The following NT5E variants were observed in gnomAD, a reference collection of about 807,000 sequenced individuals.
The protein encoded by NT5E is 5'-nucleotidase ecto.
A neutral mutation model predicts 55.1 loss-of-function variants in NT5E; 53 were observed. The observed-to-expected ratio is 0.96, with a 90% CI of 0.77 to 1.21. NT5E has a LOEUF of 1.21. NT5E is among the 50% of genes most tolerant of loss of function. NT5E has a pLI of 0.00. For synonymous variants in NT5E, 270 were observed against 278.4 expected (o/e 0.97, Z 0.30); for missense variants, 683 against 724.3 (o/e 0.94, Z 0.65).
In NT5E at chr6:85,450,322, G is replaced by A. The variant is rs1408435425; in HGVS notation, c.183G>A (p.Val61=). 6.2e-7 allele frequency: 1 copy of A among 1,601,162 alleles called. No individual in the cohort carries two copies. The highest frequency in any genetic ancestry group is 1.1e-5 in the South Asian group (1 of 88,732). The change falls in exon 1 of 9, where the codon GTG becomes GTA. Residue 61 remains valine (V), a synonymous_variant. Coordinates refer to ENST00000257770, the MANE Select transcript of NT5E (RefSeq NM_002526.4). This position sits in a 1 kb window ranked among gnomAD's most constrained non-coding sequence, Gnocchi z 4.0. ...ACGCCAGCCGCTGCATGGGTGGCGT[G>A]GCTCGGCTCTTCACCAAGGTTCAGC... ...CVNASRCMGG[V]ARLFTKVQQI...
At chr6:85,491,554 G>T (rs373729365) in intron 7 of NT5E, among the ~76,000 whole-genome samples, 1 of 152,218 alleles carries the variant, frequency 6.6e-6, no homozygotes, top group Non-Finnish European at 1.5e-5. Flanking sequence ...GCACTGCATA[G>T]CTCTATGCCT....
intron 3 of NT5E, among the ~76,000 whole-genome samples, chr6:85,482,459 G>T (rs1001430410): frequency 6.6e-5 from 10 of 152,110 alleles, no homozygotes; most frequent in Non-Finnish European, 1.2e-4. Flanking sequence ...GCTGCTTCCT[G>T]GCACTTCTAT....
intron 7 of NT5E, chr6:85,491,425 G>A: frequency 3.2e-6 from 1 of 311,576 alleles, no homozygotes; most frequent in Non-Finnish European, 6.2e-6. Flanking sequence ...TTGCTGTTGA[G>A]ACTGAAGGGC....
chr6:85,460,239 T>G (rs1324739967), intron 1 of NT5E, among the ~76,000 whole-genome samples: 5 of 152,144 alleles, frequency 3.3e-5, no homozygotes, highest in Non-Finnish European at 7.4e-5. Flanking sequence ...TGGCAGATGC[T>G]AAGAAAAACT....
intron 1 of NT5E, among the ~76,000 whole-genome samples, chr6:85,463,354 G>A (rs2127755621): frequency 6.6e-6 from 1 of 152,262 alleles, no homozygotes; most frequent in East Asian, 1.9e-4. Flanking sequence ...GAAATGTTTG[G>A]AAAGCAACAG....
rs895234392 is a variant in NT5E at position 85,467,076 on chromosome 6, A to C, written c.356A>C (p.Glu119Ala). The change falls in exon 2 of 9, where the codon GAA (glutamate) becomes GCA (alanine). Residue 119 changes from glutamate to alanine, a missense_variant. Physicochemically the swap from Glu to Ala is moderately radical, Grantham distance 107. Transcript: ENST00000257770. ...TTTATCTAGGCACTGGGAAATCATG[A>C]ATTTGATAATGGTGTGGAAGGACTG... ...RYDAMALGNH[E>A]FDNGVEGLIE... 1 of 1,614,104 alleles carries C rather than the reference A, an allele frequency of 6.2e-7. No individual in the cohort carries two copies. Among genetic ancestry groups the C allele is most frequent in the South Asian group, 1.1e-5 (1 of 91,076 alleles).
At chr6:85,466,739 A>G (rs918596297) in intron 1 of NT5E, among the ~76,000 whole-genome samples, 5 of 152,212 alleles carry the variant, frequency 3.3e-5, no homozygotes, top group African/African-American at 1.2e-4. Context: ...GAGAAAAACA[A>G]CATGGAAAAA....
intron 1 of NT5E, among the ~76,000 whole-genome samples, chr6:85,460,372 G>A (rs983865798): frequency 2.6e-4 from 40 of 152,248 alleles, no homozygotes; most frequent in African/African-American, 9.4e-4. Flanking sequence ...TAGAGATGGC[G>A]CTCAAGATAA....
chr6:85,487,427 G>A lies in NT5E; in HGVS notation c.1042G>A (p.Gly348Ser). 1.2e-6 allele frequency: 2 copies of A among 1,614,132 alleles called. No individual in the cohort carries two copies. The highest frequency in any genetic ancestry group is 1.7e-6 in the Non-Finnish European group (2 of 1,179,990). Residue 348 changes from glycine to serine, a missense_variant, in exon 5 of 9, where the codon GGC (glycine) becomes AGC (serine). Gly to Ser is a moderately conservative substitution (Grantham distance 56, BLOSUM62 0). Coordinates refer to ENST00000257770, the MANE Select transcript of NT5E (RefSeq NM_002526.4). ...AGGGAAAACAATTGTCTATCTGGAT[G>A]GCTCCTCTCAATCATGCCGCTTTAG... is the stretch of plus-strand genomic sequence containing the variant. ...ELGKTIVYLD[G>S]SSQSCRFREC...
intron 1 of NT5E, among the ~76,000 whole-genome samples, chr6:85,455,909 G>A (rs1327364463): frequency 6.6e-6 from 1 of 152,174 alleles, no homozygotes; most frequent in Non-Finnish European, 1.5e-5. Flanking sequence ...AGCAGTTTGT[G>A]TGTATGTGTG....
At chr6:85,476,857 T>C (rs547514343) in intron 3 of NT5E, among the ~76,000 whole-genome samples, 3 of 152,204 alleles carry the variant, frequency 2.0e-5, no homozygotes, top group Non-Finnish European at 2.9e-5. Context: ...TTCTCTGCCA[T>C]TCCACTGCCA....
intron 2 of NT5E, among the ~76,000 whole-genome samples, chr6:85,469,666 A>G (rs999641038): frequency 6.6e-6 from 1 of 152,222 alleles, no homozygotes; most frequent in African/African-American, 2.4e-5. Context: ...AACAGGAAGC[A>G]GATTGTCCTT....
chr6:85,492,683 T>C (rs767053534), intron 8 of NT5E, among the ~76,000 whole-genome samples: 2 of 152,176 alleles, frequency 1.3e-5, no homozygotes, highest in Non-Finnish European at 2.9e-5. Flanking sequence ...TCTGGCAGCA[T>C]TGAGGGACAT....
chr6:85,495,191 C>G lies in NT5E; in HGVS notation c.*1187C>G, dbSNP rs1268671464. 6.6e-6 allele frequency: 1 copy of G among 152,236 alleles called. No individual in the cohort carries two copies. The allele number at this position is 152,236 out of a possible 1,614,324, so 9.4% of individuals were successfully genotyped here. A position where few individuals can be genotyped will look rare whatever the true frequency, so the allele number is the denominator to read the frequency against. On this transcript the variant is annotated 3_prime_UTR_variant, in exon 9 of 9. Transcript: ENST00000257770. ...AAGTCGCTCTGCCTCCAAATCTGAACAGTCACTGTAAATCATTCTTAAGCC... is the reference window on the plus strand; with the variant it reads ...AAGTCGCTCTGCCTCCAAATCTGAAGAGTCACTGTAAATCATTCTTAAGCC...
At chr6:85,466,829 C>T (rs75290841) in intron 1 of NT5E, among the ~76,000 whole-genome samples, 1,662 of 152,262 alleles carry the variant, frequency 0.011, 25 homozygotes, top group African/African-American at 0.037. Context: ...CTGGCCAGCT[C>T]TCCAGGTGTT....
Position 85,488,662 on chromosome 6 carries a change from C to A in NT5E, c.1105-832C>A, listed in dbSNP as rs187623717. ...GTGGCATGATCTCAGCTCACTGCAA[C>A]CTCCGTCCCTTGGGTTCAAGCGATT... is the stretch of plus-strand genomic sequence containing the variant. On this transcript the variant is annotated intron_variant, in intron 5 of 8. Transcript: ENST00000257770. 2.0e-3 allele frequency among the ~76,000 whole-genome samples: 304 copies of A among 152,222 alleles called. 5 individuals are homozygous for A. In the East Asian group the frequency reaches 0.045, roughly 23 times the overall value.
At chr6:85,451,889 A>G (rs894096693) in intron 1 of NT5E, among the ~76,000 whole-genome samples, 22 of 152,238 alleles carry the variant, frequency 1.4e-4, no homozygotes, top group African/African-American at 5.3e-4. Flanking sequence ...CCCCCACAAC[A>G]AGAAAGCTCA....
At chr6:85,469,457 A>G (rs531462987) in intron 2 of NT5E, among the ~76,000 whole-genome samples, 56 of 152,040 alleles carry the variant, frequency 3.7e-4, no homozygotes, top group Non-Finnish European at 5.6e-4. Context: ...TCAGTGGGGG[A>G]ATCAATAAAT....
chr6:85,474,430 AG>A (rs1282864440), intron 3 of NT5E, among the ~76,000 whole-genome samples: 1 of 152,214 alleles, frequency 6.6e-6, no homozygotes. Context: ...TTAATGATGA[AG>A]GACTGGATGA....
Sources: allele counts gnomAD v4.1 joint callset (sites outside exome capture counted in the v4.1 genomes callset), GRCh38; gene constraint gnomAD v4.1.1; non-coding constraint Gnocchi (gnomAD v3.1); transcripts MANE v1.5; gene names NCBI Gene and HGNC (gene_info 2026-07-23, HGNC 2026-07-21).